The following DOCK8 variants were observed in gnomAD, a reference collection of about 807,000 sequenced individuals.
DOCK8 encodes the protein dedicator of cytokinesis protein 8.
A neutral mutation model predicts 245.6 loss-of-function variants in DOCK8; 141 were observed. The ratio of observed to expected loss-of-function variants is 0.57; its 90% CI spans 0.50 to 0.66. DOCK8 has a LOEUF of 0.66. DOCK8 is among the 30% of genes least tolerant of loss of function. The pLI is 0.00. For synonymous variants in DOCK8, 1,168 were observed against 970.2 expected (o/e 1.20, Z -3.79); for missense variants, 2,965 against 2,603.4 (o/e 1.14, Z -3.02).
chr9:447,661 C>G (rs968554278), intron 44 of DOCK8, among the ~76,000 whole-genome samples: 37 of 152,200 alleles, frequency 2.4e-4, no homozygotes, highest in African/African-American at 8.7e-4. Flanking sequence ...TCATCAGTTT[C>G]TCCATTATCT....
rs898502102 is a variant in DOCK8, at chr9:289,524, C to T, written c.347C>T (p.Pro116Leu). ...SLPEEGVELD[P>L]HVRDCVQTYI... ...TACCTCATTAGGGTTGAACTGGACC[C>T]TCATGTCAGGGACTGTGTTCAGACC... The change falls in exon 4 of 48, where the codon CCT becomes CTT. Residue 116 changes from proline to leucine, a missense_variant. Transcript: ENST00000432829. 1 of 1,613,590 alleles carries T rather than the reference C, an allele frequency of 6.2e-7. No homozygotes were observed. Among genetic ancestry groups the T allele is most frequent in the East Asian group, 2.2e-5 (1 of 44,854 alleles).
At position 214,934 on chromosome 9, in the gene DOCK8, C is replaced by G. The variant is rs752207168; in HGVS notation, c.-43C>G. On this transcript the variant is annotated 5_prime_UTR_variant, in exon 1 of 48. Coordinates refer to ENST00000432829, the MANE Select transcript of DOCK8 (RefSeq NM_203447.4). The stretch of plus-strand genomic sequence containing the variant: ...CTGCGGCGCGCCAGGCCCCCGCTTT[C>G]CGCACCCCGCGACCCTAGAAGCCAC... 1 of 1,604,992 alleles carries G rather than the reference C, an allele frequency of 6.2e-7. No homozygotes were observed. Among genetic ancestry groups the G allele is most frequent in the Non-Finnish European group, 8.5e-7 (1 of 1,177,416 alleles).
intron 43 of DOCK8, among the ~76,000 whole-genome samples, chr9:444,077 A>C (rs1171127194): frequency 6.6e-6 from 1 of 151,998 alleles, no homozygotes; most frequent in Admixed American, 6.5e-5. Context: ...AATGGTAAAA[A>C]CGGCTTGGGT....
chr9:276,254 A>G (rs1178921801), intron 2 of DOCK8, among the ~76,000 whole-genome samples: 1 of 152,184 alleles, frequency 6.6e-6, no homozygotes, highest in African/African-American at 2.4e-5. Context: ...GAAAGGTAAC[A>G]CTTATTTTGC....
At chr9:289,479 A>G (rs749712757) in intron 3 of DOCK8, 31 bp from the exon 4 acceptor site, 2 of 1,444,204 alleles carry the variant, frequency 1.4e-6, no homozygotes, top group East Asian at 2.3e-5. Context: ...ACCCAGTAAT[A>G]ACGTGTTTAT....
intron 1 of DOCK8, among the ~76,000 whole-genome samples, chr9:225,339 A>G (rs1025316675): frequency 2.0e-5 from 3 of 152,156 alleles, no homozygotes; most frequent in Non-Finnish European, 4.4e-5. Context: ...CCCTGAAGGG[A>G]GGTGACTCAC....
intron 28 of DOCK8, among the ~76,000 whole-genome samples, chr9:407,488 C>T (rs2055489369): frequency 6.6e-6 from 1 of 152,296 alleles, no homozygotes; most frequent in Admixed American, 6.5e-5. Context: ...AGGCAGCTGT[C>T]CCATGCCCAG....
intron 4 of DOCK8, among the ~76,000 whole-genome samples, chr9:296,825 C>T (rs112770596): frequency 1.1e-3 from 160 of 152,256 alleles, no homozygotes; most frequent in Middle Eastern, 3.4e-3. Context: ...CACTCTTGAC[C>T]TGTTGTGCAT....
Position 378,063 on chromosome 9 carries a change from G to A in DOCK8, c.2440+852G>A, listed in dbSNP as rs890640917. On this transcript the variant is annotated intron_variant, in intron 20 of 47. Coordinates refer to ENST00000432829, the MANE Select transcript of DOCK8 (RefSeq NM_203447.4). The stretch of plus-strand genomic sequence containing the variant: ...CCCAGTACTGTACTAAAAGTTGTAG[G>A]CTTTGTGACAATAACCAAGAGCATC... Among the ~76,000 whole-genome samples the A allele has an allele frequency of 5.3e-5, 8 of 152,286 alleles. No homozygotes were observed. The South Asian group carries it at 1.7e-3, about 32-fold the overall frequency.
At chr9:246,390 C>G (rs2047506815) in intron 1 of DOCK8, among the ~76,000 whole-genome samples, 1 of 152,060 alleles carries the variant, frequency 6.6e-6, no homozygotes, top group Non-Finnish European at 1.5e-5. Flanking sequence ...AACAGCCAGA[C>G]ATGGTTGTGA....
At chr9:281,295 T>C (rs1313006005) in intron 2 of DOCK8, among the ~76,000 whole-genome samples, 3 of 152,220 alleles carry the variant, frequency 2.0e-5, no homozygotes, top group South Asian at 2.1e-4. Context: ...TTTTTTCTTA[T>C]GTTATTACAT....
At chr9:425,603 A>T (rs1272543108) in intron 33 of DOCK8, among the ~76,000 whole-genome samples, 1 of 151,126 alleles carries the variant, frequency 6.6e-6, no homozygotes, top group Non-Finnish European at 1.5e-5. Context: ...TGTGTACTTT[A>T]TCACGATATA....
rs147625880 is a variant in DOCK8, at chr9:225,387, G to T, written c.53+10358G>T. Among the ~76,000 whole-genome samples, 27 of 152,324 alleles carry T rather than the reference G, an allele frequency of 1.8e-4. No homozygotes were observed. In the East Asian group the frequency reaches 5.2e-3, roughly 29 times the overall value. On this transcript the variant is annotated intron_variant, in intron 1 of 47. Transcript: ENST00000432829. Reference sequence around the variant, plus strand: ...CCTGGTGGGAAGAATAGTTAGCAGTGTGCAGAAGGCATTGGAAGGGATTCC... The same window carrying T: ...CCTGGTGGGAAGAATAGTTAGCAGTTTGCAGAAGGCATTGGAAGGGATTCC...
chr9:456,013 A>G (rs2057629240), intron 46 of DOCK8, among the ~76,000 whole-genome samples: 1 of 152,222 alleles, frequency 6.6e-6, no homozygotes, highest in Non-Finnish European at 1.5e-5. Context: ...GGCTACAGAC[A>G]AAACAGTACT....
intron 18 of DOCK8, among the ~76,000 whole-genome samples, chr9:372,866 CT>C (rs1943238092): frequency 6.6e-6 from 1 of 152,166 alleles, no homozygotes; most frequent in South Asian, 2.1e-4. Flanking sequence ...CCCATCTCTA[CT>C]AAAAATACAA....
At chr9:414,072 G>A (rs769005124) in intron 28 of DOCK8, among the ~76,000 whole-genome samples, 5 of 151,780 alleles carry the variant, frequency 3.3e-5, no homozygotes, top group Non-Finnish European at 7.4e-5. Flanking sequence ...AACCCAGGAG[G>A]TGGAGGTTGC....
intron 12 of DOCK8, 45 bp downstream of exon 12, chr9:336,763 G>T (rs372826858): frequency 1.9e-6 from 3 of 1,612,706 alleles, no homozygotes; most frequent in Middle Eastern, 1.8e-4. Flanking sequence ...CCCCATACTG[G>T]CATGGGCACT....
At chr9:220,672 G>T (rs2046860301) in intron 1 of DOCK8, 1 of 374,456 alleles carries the variant, frequency 2.7e-6, no homozygotes, top group Non-Finnish European at 5.1e-6. Flanking sequence ...TAAAGCAACA[G>T]GAATGTGCTA....
chr9:363,880 A>G (rs1169710051), intron 14 of DOCK8, among the ~76,000 whole-genome samples: 3 of 152,134 alleles, frequency 2.0e-5, no homozygotes, highest in Non-Finnish European at 4.4e-5. Context: ...ATTGGAGTGT[A>G]AGAGACAAGT....
Sources: allele counts gnomAD v4.1 joint callset (sites outside exome capture counted in the v4.1 genomes callset), GRCh38; gene constraint gnomAD v4.1.1; transcripts MANE v1.5; gene names NCBI Gene and HGNC (gene_info 2026-07-23, HGNC 2026-07-21).